MGLL: variants seen among roughly 807,000 people sequenced by gnomAD.
MGLL encodes monoglyceride lipase, also known as lysophospholipase homolog.
A neutral mutation model predicts 29.1 loss-of-function variants in MGLL; 7 were observed. That is an observed-to-expected ratio of 0.24 (90% confidence interval 0.14 to 0.45). The LOEUF (loss-of-function observed/expected upper bound fraction) is 0.45. Ranked by LOEUF, MGLL falls within the 20% of genes least tolerant of loss-of-function variation. The pLI, the probability that MGLL is intolerant of heterozygous loss-of-function variation, is 0.99. For synonymous variants in MGLL, 148 were observed against 168.3 expected (o/e 0.88, Z 0.93); for missense variants, 356 against 413.6 (o/e 0.86, Z 1.21).
At chr3:127,782,879 G>A (rs1008500512) in intron 2 of MGLL, among the ~76,000 whole-genome samples, 2 of 152,142 alleles carry the variant, frequency 1.3e-5, no homozygotes, top group African/African-American at 2.4e-5. Context: ...ACAGATGAGA[G>A]TGAAATGCAT....
chr3:127,718,234 G>C (rs1434735471), intron 5 of MGLL, among the ~76,000 whole-genome samples: 1 of 152,020 alleles, frequency 6.6e-6, no homozygotes, highest in Non-Finnish European at 1.5e-5. Context: ...TTACTAACTG[G>C]GGGAGTTGCT....
chr3:127,797,293 G>T (rs1258825924), intron 2 of MGLL, among the ~76,000 whole-genome samples: 1 of 151,970 alleles, frequency 6.6e-6, no homozygotes, highest in African/African-American at 2.4e-5. Flanking sequence ...CCTGGGCAAA[G>T]CTGAGAATCC....
chr3:127,737,630 C>CTTTTTTTTTTTTTTTTTTTTTTT lies in MGLL; in HGVS notation c.263-15087_263-15065dup, dbSNP rs774965066. Among the ~76,000 whole-genome samples the CTTTTTTTTTTTTTTTTTTTTTTT allele has an allele frequency of 3.1e-4, 21 of 68,604 alleles. 5 individuals are homozygous for CTTTTTTTTTTTTTTTTTTTTTTT. Among genetic ancestry groups the CTTTTTTTTTTTTTTTTTTTTTTT allele is most frequent in the African/African-American group, 1.4e-3 (19 of 13,574 alleles). The allele number at this position is 68,604 out of a possible 152,430, so 45.0% of individuals were successfully genotyped here. ...GACACAGTGAAATCATCAACTGCTT[C>CTTTTTTTTTTTTTTTTTTTTTTT]TTTTTTTTTTTTTTTTTTTTTTTTT... On this transcript the variant is annotated intron_variant, in intron 3 of 7. Transcript: ENST00000265052.
intron 6 of MGLL, among the ~76,000 whole-genome samples, chr3:127,697,063 A>C (rs1354600285): frequency 6.6e-6 from 1 of 152,234 alleles, no homozygotes; most frequent in Admixed American, 6.5e-5. Context: ...AATCCACACG[A>C]GACAGATTAG....
intron 3 of MGLL, among the ~76,000 whole-genome samples, chr3:127,748,429 GGAGA>G (rs368580991): frequency 3.5e-5 from 4 of 113,000 alleles, no homozygotes; most frequent in East Asian, 2.2e-4. Flanking sequence ...AGAGAGAGAG[GGAGA>G]GAGAGAGAGA....
rs527697108 is a variant in MGLL, at chr3:127,691,511, G to A, written c.*687C>T. On this transcript the variant is annotated 3_prime_UTR_variant, in exon 8 of 8. Coordinates refer to ENST00000265052, the MANE Select transcript of MGLL (RefSeq NM_007283.7). ...GGGGACCAACCTGAGCCTCCCCCTG[G>A]CAGGAGGGGAAGGGCAGGGGACAGA... The A allele has an allele frequency of 2.0e-5, 3 of 152,622 alleles. No homozygotes were observed. The South Asian group carries it at 6.2e-4, about 32-fold the overall frequency. 9.5% of individuals were successfully genotyped at this position (152,622 alleles called of 1,614,324 possible).
intron 2 of MGLL, among the ~76,000 whole-genome samples, chr3:127,801,127 C>A (rs1158660712): frequency 6.6e-6 from 1 of 151,432 alleles, no homozygotes; most frequent in Non-Finnish European, 1.5e-5. Context: ...CATGGTGAAA[C>A]CCCATCTCTA....
chr3:127,743,187 G>GA (rs2076377321), intron 3 of MGLL, among the ~76,000 whole-genome samples: 1 of 152,220 alleles, frequency 6.6e-6, no homozygotes, highest in Admixed American at 6.5e-5. Flanking sequence ...TACATGCCAA[G>GA]AAACAATCTT....
chr3:127,806,797 C>T (rs569519779), intron 2 of MGLL, among the ~76,000 whole-genome samples: 22 of 152,116 alleles, frequency 1.4e-4, no homozygotes, highest in Non-Finnish European at 2.6e-4. Flanking sequence ...GAGGCCGAGG[C>T]GGGTGGATCA....
rs183433450 is a variant in MGLL, at chr3:127,776,898, C to T, written c.262+4891G>A. Among the ~76,000 whole-genome samples the T allele has an allele frequency of 2.4e-3, 367 of 152,170 alleles. 3 individuals are homozygous for T. Among genetic ancestry groups the T allele is most frequent in the African/African-American group, 8.6e-3 (355 of 41,508 alleles). On this transcript the variant is annotated intron_variant, in intron 3 of 7. Coordinates refer to ENST00000265052, the MANE Select transcript of MGLL (RefSeq NM_007283.7). ...GCTATGCAAAGATGATGAGAAGGGTCTTGGGGGAGGGAGAGGAGCGAATGG... is the reference window on the plus strand; with the variant it reads ...GCTATGCAAAGATGATGAGAAGGGTTTTGGGGGAGGGAGAGGAGCGAATGG...
At chr3:127,795,661 A>T (rs1187902723) in intron 2 of MGLL, among the ~76,000 whole-genome samples, 3 of 152,228 alleles carry the variant, frequency 2.0e-5, no homozygotes, top group African/African-American at 7.2e-5. Context: ...TAACTAAAAA[A>T]TTACATTGAG....
chr3:127,735,522 A>G (rs575257205), intron 3 of MGLL, among the ~76,000 whole-genome samples: 1 of 152,386 alleles, frequency 6.6e-6, no homozygotes, highest in Non-Finnish European at 1.5e-5. Flanking sequence ...ACTCCATTTT[A>G]TAATGTTAAG....
intron 4 of MGLL, among the ~76,000 whole-genome samples, chr3:127,721,549 CATA>C (rs1056784832): frequency 2.6e-5 from 3 of 115,464 alleles, no homozygotes; most frequent in African/African-American, 6.7e-5. Context: ...GTAATCTGAT[CATA>C]ATAATAGATT....
rs185870127 is a variant in MGLL at position 127,740,564 on chromosome 3, C to A, written c.263-17998G>T. Among the ~76,000 whole-genome samples, 1,007 of 152,276 alleles carry A rather than the reference C, an allele frequency of 6.6e-3. 7 individuals carry two copies. Among genetic ancestry groups the A allele is most frequent in the Non-Finnish European group, 0.012 (826 of 68,028 alleles). On this transcript the variant is annotated intron_variant, in intron 3 of 7. Transcript: ENST00000265052. ...AAGAGAAAGGAAGGCAGGGGCTCTG[C>A]GGGGGCCCTGAGGTTCCAGTTCTGT...
chr3:127,731,382 AC>A (rs1450691347), intron 3 of MGLL, among the ~76,000 whole-genome samples: 6 of 148,052 alleles, frequency 4.1e-5, no homozygotes, highest in Non-Finnish European at 6.0e-5. Context: ...ATTTTAAAGA[AC>A]CCTGCTTTGC....
intron 3 of MGLL, among the ~76,000 whole-genome samples, chr3:127,766,059 G>A (rs1246354550): frequency 6.6e-6 from 1 of 152,174 alleles, no homozygotes; most frequent in Non-Finnish European, 1.5e-5. Context: ...AGGCTCACCA[G>A]TTTAAAGTGA....
chr3:127,748,927 C>T (rs992619835), intron 3 of MGLL, among the ~76,000 whole-genome samples: 1 of 152,176 alleles, frequency 6.6e-6, no homozygotes, highest in African/African-American at 2.4e-5. Flanking sequence ...TGATGCCCAC[C>T]TCTGCCCACC....
rs949721758 is a variant in MGLL at position 127,735,620 on chromosome 3, C to G, written c.263-13054G>C. On this transcript the variant is annotated intron_variant, in intron 3 of 7. Coordinates refer to ENST00000265052, the MANE Select transcript of MGLL (RefSeq NM_007283.7). ...AATAAAAAAGCAAGAGAATGAAACA[C>G]AAATTCCAAGATTGTAGTTACCTCC... 5 of 1,377,068 alleles carry G rather than the reference C, an allele frequency of 3.6e-6. No individual in the cohort carries two copies. In the African/African-American group the frequency reaches 5.8e-5, roughly 16 times the overall value. 85.3% of individuals were successfully genotyped at this position (1,377,068 alleles called of 1,614,324 possible). A position where few individuals can be genotyped will look rare whatever the true frequency, so the allele number is the denominator to read the frequency against.
intron 3 of MGLL, chr3:127,735,749 T>C: frequency 6.3e-7 from 1 of 1,598,390 alleles, no homozygotes. Flanking sequence ...CCCCGCCTTC[T>C]CCCATTCCCT....
Sources: gnomAD v4.1 joint callset for allele counts (sites outside exome capture counted in the v4.1 genomes callset) on GRCh38, gnomAD v4.1.1 for gene constraint, MANE v1.5 for transcripts, NCBI Gene and HGNC (gene_info 2026-07-23, HGNC 2026-07-21) for gene names.